The following CTNNA2 variants were observed in gnomAD, a reference collection of about 807,000 sequenced individuals.
The protein encoded by CTNNA2 is catenin alpha 2.
A neutral mutation model predicts 101.0 loss-of-function variants in CTNNA2; 42 were observed. The ratio of observed to expected loss-of-function variants is 0.42; its 90% confidence interval spans 0.32 to 0.54. CTNNA2 has a LOEUF of 0.54. Ranked by LOEUF, CTNNA2 falls within the 20% of genes least tolerant of loss-of-function variation. CTNNA2 has a pLI of 0.14. For missense variants in CTNNA2, 871 were observed against 1,223.1 expected, an observed-to-expected ratio of 0.71 and a Z score of 4.29; for synonymous variants, 450 against 456.4, an observed-to-expected ratio of 0.99 and a Z score of 0.18.
intron 2 of CTNNA2, among the ~76,000 whole-genome samples, chr2:79,273,029 AT>A (rs1675124563): frequency 6.6e-6 from 1 of 152,094 alleles, no homozygotes; most frequent in African/African-American, 2.4e-5. Context: ...GCAGTGCCAT[AT>A]CAAGGTACAT....
At chr2:80,402,361 A>G (rs1463037128) in intron 8 of CTNNA2, among the ~76,000 whole-genome samples, 2 of 152,160 alleles carry the variant, frequency 1.3e-5, no homozygotes, top group Non-Finnish European at 2.9e-5. Context: ...GCCATTGGCA[A>G]TTAACTCAAC....
At chr2:79,319,897 G>A (rs531032906) in intron 3 of CTNNA2, 1 of 152,178 alleles carries the variant, frequency 6.6e-6, no homozygotes, top group Non-Finnish European at 1.5e-5. Flanking sequence ...GGGCAAGCTG[G>A]GGCCCCAGGT....
intron 1 of CTNNA2, among the ~76,000 whole-genome samples, chr2:79,588,632 A>G (rs1676648101): frequency 6.6e-6 from 1 of 152,166 alleles, no homozygotes; most frequent in South Asian, 2.1e-4. Flanking sequence ...TTTTTTTGAA[A>G]TAAATAATTG....
chr2:79,770,431 C>T lies in CTNNA2; in HGVS notation c.298+25849C>T, dbSNP rs72912712. 4.5e-3 allele frequency among the ~76,000 whole-genome samples: 685 copies of T among 152,082 alleles called. 6 individuals carry two copies. Among genetic ancestry groups the T allele is most frequent in the African/African-American group, 0.016 (648 of 41,484 alleles). Reference sequence around the variant, plus strand: ...ACAAAAATAAGGCAATACAAAACTTCGGAGACACATGCAATGAAAGTAATA... The same window carrying T: ...ACAAAAATAAGGCAATACAAAACTTTGGAGACACATGCAATGAAAGTAATA... On this transcript the variant is annotated intron_variant, in intron 3 of 18. Coordinates refer to ENST00000402739, the MANE Select transcript of CTNNA2 (RefSeq NM_001282597.3).
At chr2:79,559,242 G>A (rs1391612217) in intron 1 of CTNNA2, among the ~76,000 whole-genome samples, 1 of 151,860 alleles carries the variant, frequency 6.6e-6, no homozygotes, top group Admixed American at 6.6e-5. Context: ...CTATCAGAGG[G>A]TGCTTTCCTG....
chr2:79,524,990 A>T (rs1397182019), intron 1 of CTNNA2, among the ~76,000 whole-genome samples: 1 of 151,792 alleles, frequency 6.6e-6, no homozygotes, highest in African/African-American at 2.4e-5. Flanking sequence ...ATAATGATCT[A>T]ATGGTGGTGA....
chr2:80,455,662 A>T (rs528800708), intron 9 of CTNNA2, among the ~76,000 whole-genome samples: 1 of 152,278 alleles, frequency 6.6e-6, no homozygotes, highest in South Asian at 2.1e-4. Flanking sequence ...AAATAATATG[A>T]TAAATTAATT....
At chr2:80,502,574 TC>T (rs1687960652) in intron 9 of CTNNA2, among the ~76,000 whole-genome samples, 1 of 152,220 alleles carries the variant, frequency 6.6e-6, no homozygotes, top group Non-Finnish European at 1.5e-5. Flanking sequence ...TTGTGTTCTT[TC>T]CTCTTCCTCA....
intron 2 of CTNNA2, among the ~76,000 whole-genome samples, chr2:79,246,969 C>G (rs1558585824): frequency 2.0e-5 from 3 of 152,220 alleles, no homozygotes; most frequent in South Asian, 4.1e-4. Context: ...AGCTAGGGCT[C>G]ATGGCCTTTG....
At chr2:79,357,411 T>A (rs559879713) in intron 3 of CTNNA2, among the ~76,000 whole-genome samples, 2 of 152,158 alleles carry the variant, frequency 1.3e-5, no homozygotes, top group East Asian at 3.9e-4. Flanking sequence ...GGAAAATAGA[T>A]CAGTAGAAAA....
chr2:79,694,500 C>A (rs1189007622), intron 2 of CTNNA2, among the ~76,000 whole-genome samples: 2 of 151,078 alleles, frequency 1.3e-5, no homozygotes, highest in Non-Finnish European at 2.9e-5. Flanking sequence ...GAGCTTAACT[C>A]TGTATATTTT....
chr2:80,504,981 T>C (rs1688155412), intron 9 of CTNNA2, among the ~76,000 whole-genome samples: 1 of 152,200 alleles, frequency 6.6e-6, no homozygotes, highest in Non-Finnish European at 1.5e-5. Context: ...CGCTCCTAGA[T>C]GTCCCACACA....
rs189371518 is a variant in CTNNA2 at position 79,334,842 on chromosome 2, G to T, written c.-318+22046G>T. Among the ~76,000 whole-genome samples the T allele has an allele frequency of 3.3e-5, 5 of 152,194 alleles. No homozygotes were observed. The East Asian group carries it at 9.7e-4, about 30-fold the overall frequency. The stretch of plus-strand genomic sequence containing the variant: ...AAGCACTTTCTATGTATCTTTAGTA[G>T]CAACTGGAAAAAGCCTCCCTTGGTG... On this transcript the variant is annotated intron_variant, in intron 3 of 21. Transcript: ENST00000466387.
At chr2:80,317,053 A>T (rs1158339954) in intron 7 of CTNNA2, among the ~76,000 whole-genome samples, 1 of 152,066 alleles carries the variant, frequency 6.6e-6, no homozygotes, top group Non-Finnish European at 1.5e-5. Context: ...TTAAAGTGCC[A>T]TGAGATATGC....
intron 3 of CTNNA2, among the ~76,000 whole-genome samples, chr2:79,820,792 T>C (rs1473148685): frequency 6.6e-6 from 1 of 152,312 alleles, no homozygotes; most frequent in East Asian, 1.9e-4. Context: ...GATGCTTAGC[T>C]GCAGATCTGA....
intron 7 of CTNNA2, among the ~76,000 whole-genome samples, chr2:79,959,964 T>C (rs889866663): frequency 1.3e-5 from 2 of 152,226 alleles, no homozygotes; most frequent in Non-Finnish European, 2.9e-5. Context: ...TCAAATTGGC[T>C]ACATGATGCT....
At chr2:80,102,621 T>G (rs987769196) in intron 7 of CTNNA2, among the ~76,000 whole-genome samples, 1 of 152,188 alleles carries the variant, frequency 6.6e-6, no homozygotes, top group Non-Finnish European at 1.5e-5. Context: ...CAAGTGATTT[T>G]CCTGCCTCAG....
intron 18 of CTNNA2, among the ~76,000 whole-genome samples, chr2:80,636,317 G>A (rs113870446): frequency 5.5e-4 from 83 of 152,200 alleles, no homozygotes; most frequent in African/African-American, 2.0e-3. Context: ...GTTTAAGACC[G>A]AATAAAAGAT....
chr2:79,320,260 A>ATTTTTTTTTTTTTTT (rs34694986), intron 3 of CTNNA2, among the ~76,000 whole-genome samples: 8 of 119,786 alleles, frequency 6.7e-5, no homozygotes, highest in Non-Finnish European at 1.0e-4. Flanking sequence ...TTACGTTTCA[A>ATTTTTTTTTTTTTTT]TTTTTTTTTT....
Sources: gnomAD v4.1 joint callset for allele counts (sites outside exome capture counted in the v4.1 genomes callset) on GRCh38, gnomAD v4.1.1 for gene constraint, MANE v1.5 for transcripts, NCBI Gene and HGNC (gene_info 2026-07-23, HGNC 2026-07-21) for gene names.